INSR: variants seen among roughly 807,000 people sequenced by gnomAD.
The protein encoded by INSR is insulin receptor.
A neutral mutation model predicts 142.6 loss-of-function variants in INSR; 67 were observed. That is an observed-to-expected ratio of 0.47 (90% CI 0.39 to 0.58). The LOEUF (loss-of-function observed/expected upper bound fraction) is 0.58, where lower values mean the gene tolerates loss of function less well. INSR is among the 20% of genes least tolerant of loss of function. The pLI, the probability that INSR is intolerant of heterozygous loss-of-function variation, is 0.00. For missense variants in INSR, 1,248 were observed against 1,833.2 expected, an observed-to-expected ratio of 0.68 and a Z score of 5.83; for synonymous variants, 756 against 743.1, an observed-to-expected ratio of 1.02 and a Z score of -0.28.
intron 1 of INSR, among the ~76,000 whole-genome samples, chr19:7,292,333 G>A (rs977484830): frequency 5.4e-4 from 81 of 150,936 alleles, no homozygotes; most frequent in African/African-American, 1.9e-3. Flanking sequence ...CTCGTGATCC[G>A]CCCGCCTCAG....
chr19:7,250,443 AAGAAGAAAG>A (rs1802861631), intron 2 of INSR, among the ~76,000 whole-genome samples: 1 of 94,380 alleles, frequency 1.1e-5, no homozygotes, highest in Non-Finnish European at 2.7e-5. Flanking sequence ...GAAGAAAAGA[AAGAAGAAAG>A]AAAAGGAAGA....
chr19:7,231,295 GTT>G (rs59830751), intron 2 of INSR, among the ~76,000 whole-genome samples: 27,255 of 134,680 alleles, frequency 0.2, 2,812 homozygotes, highest in Non-Finnish European at 0.24. Flanking sequence ...GGTGTTTTTT[GTT>G]TTTTTTTTTT....
At chr19:7,163,295 T>C (rs1973805254) in intron 8 of INSR, 96 bp from the exon 9 acceptor site, 1 of 1,233,082 alleles carries the variant, frequency 8.1e-7, no homozygotes, top group Non-Finnish European at 1.2e-6. Context: ...AAAGACATCA[T>C]GAGGGCACCC....
In INSR at chr19:7,267,898, T is replaced by C. The variant is rs2145210376; in HGVS notation, c.101-2A>G. ...TCCGGATATCCATGCCGGGACACACTACAAGAGAAAATGAACAGAAAGCAA... is the reference window on the plus strand; with the variant it reads ...TCCGGATATCCATGCCGGGACACACCACAAGAGAAAATGAACAGAAAGCAA... On this transcript the variant is annotated splice_acceptor_variant, in intron 1 of 21. Coordinates refer to ENST00000302850, the MANE Select transcript of INSR (RefSeq NM_000208.4). LOFTEE classifies it high-confidence loss of function. This position sits in a 1 kb window ranked among gnomAD's most constrained non-coding sequence, Gnocchi z 6.3. 6.2e-7 allele frequency: 1 copy of C among 1,612,484 alleles called. No individual in the cohort carries two copies.
intron 1 of INSR, among the ~76,000 whole-genome samples, chr19:7,272,747 A>C (rs1343742421): frequency 6.6e-6 from 1 of 152,214 alleles, no homozygotes; most frequent in Non-Finnish European, 1.5e-5. Flanking sequence ...TGCCCAGCTA[A>C]TTTAAATTTG....
intron 9 of INSR, among the ~76,000 whole-genome samples, chr19:7,161,881 T>C (rs2144925629): frequency 6.6e-6 from 1 of 152,180 alleles, no homozygotes; most frequent in East Asian, 1.9e-4. Context: ...TGTTACGATG[T>C]TTAAAAATGT....
At position 7,158,458 on chromosome 19, in the gene INSR, G is replaced by A. The variant is rs929453957; in HGVS notation, c.2029+4574C>T. 2.9e-4 allele frequency among the ~76,000 whole-genome samples: 44 copies of A among 152,230 alleles called. No homozygotes were observed. In the East Asian group the frequency reaches 2.9e-3, roughly 10 times the overall value. The stretch of plus-strand genomic sequence containing the variant: ...GGAGCTTGCAGTGAGCCGAGATCAC[G>A]CCACTGAACTCCAGCCTGGGTGACA... On this transcript the variant is annotated intron_variant, in intron 9 of 21. Coordinates refer to ENST00000302850, the MANE Select transcript of INSR (RefSeq NM_000208.4).
chr19:7,184,556 T>C lies in INSR; in HGVS notation c.734A>G (p.Gln245Arg), dbSNP rs753165819. ...CACGCACTTGGTGGGGTCGTCGGGCTGAGAACAGTTGCCCAGGCACTCGCT... is the reference window on the plus strand; with the variant it reads ...CACGCACTTGGTGGGGTCGTCGGGCCGAGAACAGTTGCCCAGGCACTCGCT... The part of the protein sequence containing the change: ...CHSECLGNCS[Q>R]PDDPTKCVAC... The change falls in exon 3 of 22, where the codon CAG (glutamine) becomes CGG (arginine). Residue 245 changes from glutamine (Q) to arginine (R), a missense_variant. Transcript: ENST00000302850. 1.2e-6 allele frequency: 2 copies of C among 1,613,410 alleles called. No homozygotes were observed. The highest frequency in any genetic ancestry group is 1.1e-5 in the South Asian group (1 of 91,046).
At position 7,192,185 on chromosome 19, in the gene INSR, G is replaced by GA. The variant is rs1305645907; in HGVS notation, c.653-7549dup. Among the ~76,000 whole-genome samples the GA allele has an allele frequency of 4.0e-5, 5 of 125,674 alleles. No individual in the cohort carries two copies. The highest frequency in any genetic ancestry group is 8.5e-5 in the Non-Finnish European group (5 of 58,604). 82.4% of individuals were successfully genotyped at this position (125,674 alleles called of 152,430 possible). On this transcript the variant is annotated intron_variant, in intron 2 of 21. Coordinates refer to ENST00000302850, the MANE Select transcript of INSR (RefSeq NM_000208.4). The surrounding 1 kb of genome is among the most constrained non-coding windows in gnomAD (Gnocchi z 4.2). Reference sequence around the variant, plus strand: ...GAAAAAGAAAGACAGAGAAAGAAAAGAAAAAAGAAAGAAAAAGAAAGAAAG... The same window carrying GA: ...GAAAAAGAAAGACAGAGAAAGAAAAGAAAAAAAGAAAGAAAAAGAAAGAAAG...
chr19:7,170,187 T>G (rs1338324683), intron 6 of INSR, among the ~76,000 whole-genome samples: 1 of 152,038 alleles, frequency 6.6e-6, no homozygotes, highest in Non-Finnish European at 1.5e-5. Context: ...CATTAGATTC[T>G]CACAGGGGTG....
chr19:7,176,223 G>A (rs1974131640), intron 3 of INSR, among the ~76,000 whole-genome samples: 1 of 152,156 alleles, frequency 6.6e-6, no homozygotes, highest in Non-Finnish European at 1.5e-5. Flanking sequence ...GATCATGGTG[G>A]GCGGAGTTCT....
chr19:7,142,944 T>C lies in INSR; in HGVS notation c.2414A>G (p.Glu805Gly), dbSNP rs1333466105. 6.2e-7 allele frequency: 1 copy of C among 1,614,154 alleles called. No individual in the cohort carries two copies. The highest frequency in any genetic ancestry group is 8.5e-7 in the Non-Finnish European group (1 of 1,180,026). Residue 805 changes from glutamate to glycine, a missense_variant, in exon 12 of 22, where the codon GAG (glutamate) becomes GGG (glycine). Glu to Gly is a moderately conservative substitution (Grantham distance 98). This residue lies in a region of INSR where 1,069 missense variants were observed against 1,654.0 expected (regional missense o/e 0.65). Coordinates refer to ENST00000302850, the MANE Select transcript of INSR (RefSeq NM_000208.4). ...TCGCAAGCCGGAGATGACCAGCGACTCCTTGTTCACCACCTTCTCAAAAGG... is the reference window on the plus strand; with the variant it reads ...TCGCAAGCCGGAGATGACCAGCGACCCCTTGTTCACCACCTTCTCAAAAGG... ...HRPFEKVVNK[E>G]SLVISGLRHF...
rs1972274287 is a variant in INSR at position 7,114,463 on chromosome 19, C to T, written c.*2593G>A. 6.6e-6 allele frequency: 1 copy of T among 152,168 alleles called. No homozygotes were observed. Among genetic ancestry groups the T allele is most frequent in the African/African-American group, 2.4e-5 (1 of 41,410 alleles). 9.4% of individuals were successfully genotyped at this position (152,168 alleles called of 1,614,324 possible). On this transcript the variant is annotated 3_prime_UTR_variant, in exon 22 of 22. Transcript: ENST00000302850. ...AGATTAAATTCAGAGAAGAATATTA[C>T]CAGCCAGGAAGAAAAGGATCTATGC...
At chr19:7,185,904 A>AG (rs1974418964) in intron 2 of INSR, among the ~76,000 whole-genome samples, 2 of 141,740 alleles carry the variant, frequency 1.4e-5, no homozygotes, top group African/African-American at 5.2e-5. Context: ...GAAGGAAGGA[A>AG]AAAAAAAAGG....
chr19:7,150,638 G>A lies in INSR; in HGVS notation c.2232-106C>T. 9.4e-7 allele frequency: 1 copy of A among 1,068,958 alleles called. No individual in the cohort carries two copies. The allele number at this position is 1,068,958 out of a possible 1,614,324, so 66.2% of individuals were successfully genotyped here. On this transcript the variant is annotated intron_variant, in intron 10 of 21. Coordinates refer to ENST00000302850, the MANE Select transcript of INSR (RefSeq NM_000208.4). The surrounding 1 kb of genome is among the most constrained non-coding windows in gnomAD (Gnocchi z 4.2). The stretch of plus-strand genomic sequence containing the variant: ...CATGTGTCCGAGTAAGGGCACCCTG[G>A]CTTTGACCCTGGACCACTCGCTCCC...
At position 7,150,557 on chromosome 19, in the gene INSR, T is replaced by C; in HGVS notation, c.2232-25A>G. The C allele has an allele frequency of 6.2e-7, 1 of 1,613,618 alleles. No individual in the cohort carries two copies. Among genetic ancestry groups the C allele is most frequent in the African/African-American group, 1.3e-5 (1 of 75,034 alleles). ...TCTGTGGAAACAAAACCAACGCCTT[T>C]GAGGACAGAGGGAACTTCATTAGAC... On this transcript the variant is annotated intron_variant, in intron 10 of 21. Transcript: ENST00000302850. The surrounding 1 kb of genome is among the most constrained non-coding windows in gnomAD (Gnocchi z 4.2).
chr19:7,175,883 G>T (rs1175530998), intron 3 of INSR, among the ~76,000 whole-genome samples: 2 of 151,864 alleles, frequency 1.3e-5, no homozygotes, highest in African/African-American at 4.8e-5. Flanking sequence ...TGGGGAGGGA[G>T]GATGCCAGAT....
In INSR at chr19:7,132,171, G is replaced by A. The variant is rs376766937; in HGVS notation, c.2829C>T (p.Tyr943=). 288 of 1,614,018 alleles carry A rather than the reference G, an allele frequency of 1.8e-4. 1 individual carries two copies. The highest frequency in any genetic ancestry group is 2.2e-4 in the Non-Finnish European group (265 of 1,180,002). The change falls in exon 14 of 22, where the codon TAC becomes TAT. Residue 943 remains tyrosine (Y), a synonymous_variant. Transcript: ENST00000302850. ...NGSWTEPTYF[Y]VTDYLDVPSN... is the part of the protein sequence containing the mutation. ...ATGGAGACTTACAATAGTCTGTCACGTAGAAATAGGTGGGTTCCGTCCAAG... is the reference window on the plus strand; with the variant it reads ...ATGGAGACTTACAATAGTCTGTCACATAGAAATAGGTGGGTTCCGTCCAAG...
intron 1 of INSR, among the ~76,000 whole-genome samples, chr19:7,281,978 G>T (rs943974748): frequency 1.4e-4 from 21 of 152,124 alleles, no homozygotes; most frequent in Non-Finnish European, 2.9e-4. Flanking sequence ...CCACAAGTCC[G>T]CTTTGAACTC....
Sources: gnomAD v4.1 joint callset for allele counts (sites outside exome capture counted in the v4.1 genomes callset) on GRCh38, gnomAD v4.1.1 for gene constraint, gnomAD v4.1.1 regional missense constraint, Gnocchi (gnomAD v3.1) non-coding constraint, MANE v1.5 for transcripts, NCBI Gene and HGNC (gene_info 2026-07-23, HGNC 2026-07-21) for gene names.